Variants in UTP4 observed in about 807,000 individuals in gnomAD.
UTP4 encodes the protein U3 small nucleolar RNA-associated protein 4 homolog.
UTP4 carries 45 observed loss-of-function variants against 82.4 expected under a neutral mutation model. The ratio of observed to expected loss-of-function variants is 0.55; its 90% CI spans 0.43 to 0.70. The LOEUF (loss-of-function observed/expected upper bound fraction) is 0.70. Among genes scored for constraint, UTP4 ranks in the 30% least tolerant of loss-of-function variants. UTP4 has a pLI of 0.00. For missense variants in UTP4, 819 were observed against 858.3 expected, an observed-to-expected ratio of 0.95 and a Z score of 0.57; for synonymous variants, 348 against 300.3, an observed-to-expected ratio of 1.16 and a Z score of -1.64.
intron 12 of UTP4, among the ~76,000 whole-genome samples, chr16:69,158,107 T>C (rs553440918): frequency 1.0e-3 from 153 of 150,504 alleles, no homozygotes; most frequent in Non-Finnish European, 1.8e-3. Context: ...TTGTCCTGGA[T>C]TTTAGCTGCT....
At chr16:69,165,087 T>C (rs1963668936) in intron 14 of UTP4, among the ~76,000 whole-genome samples, 1 of 151,474 alleles carries the variant, frequency 6.6e-6, no homozygotes, top group Admixed American at 6.6e-5. Context: ...CCCAGCTATT[T>C]GGGAGGCTGA....
At chr16:69,167,246 A>C (rs529893059) in intron 16 of UTP4, 61 bp downstream of exon 16, 41 of 1,090,924 alleles carry the variant, frequency 3.8e-5, no homozygotes, top group African/African-American at 6.2e-5. Flanking sequence ...AAAATGTAAT[A>C]AACTCCACAA....
chr16:69,160,270 C>A, intron 12 of UTP4, 86 bp from the exon 13 acceptor site: 2 of 971,890 alleles, frequency 2.1e-6, no homozygotes, highest in African/African-American at 1.6e-5. Context: ...CTCTAATGGT[C>A]TCCTTGGCTT....
At chr16:69,147,242 G>A (rs999000285) in intron 6 of UTP4, among the ~76,000 whole-genome samples, 5 of 150,890 alleles carry the variant, frequency 3.3e-5, no homozygotes, top group African/African-American at 7.3e-5. Flanking sequence ...GGTGACTCAC[G>A]CCTGTAAACC....
intron 13 of UTP4, among the ~76,000 whole-genome samples, chr16:69,162,637 G>A (rs1320596867): frequency 6.6e-6 from 1 of 151,758 alleles, no homozygotes; most frequent in African/African-American, 2.4e-5. Flanking sequence ...ACTTGAAACC[G>A]GAAGGTGGAG....
At chr16:69,135,017 CT>C (rs1027253401) in intron 2 of UTP4, among the ~76,000 whole-genome samples, 596 of 133,050 alleles carry the variant, frequency 4.5e-3, no homozygotes, top group Middle Eastern at 7.8e-3. Context: ...TGTTCTTCTT[CT>C]TTTTTTTTTT....
intron 4 of UTP4, among the ~76,000 whole-genome samples, chr16:69,138,344 T>C (rs558496161): frequency 6.6e-6 from 1 of 152,198 alleles, no homozygotes; most frequent in African/African-American, 2.4e-5. Flanking sequence ...TTCAAGTGAT[T>C]CTGGTGCCTC....
chr16:69,153,584 C>T lies in UTP4; in HGVS notation c.1003C>T (p.Arg335Ter), dbSNP rs1246155092. The T allele has an allele frequency of 4.3e-6, 7 of 1,610,104 alleles. No individual in the cohort carries two copies. The highest frequency in any genetic ancestry group is 5.9e-6 in the Non-Finnish European group (7 of 1,177,088). The change falls in exon 9 of 17, where the codon CGA becomes TGA. Residue 335 changes from arginine (R) to a stop codon, truncating the protein, a stop_gained and splice_region_variant. Transcript: ENST00000314423. LOFTEE classifies it high-confidence loss of function. ...TTAACTTCTTGATTCTTGGATATAG[C>T]GATGTCTCATCTCCTGTTCTAAAAA... is the stretch of plus-strand genomic sequence containing the variant. ...AALRKITFPHRCLISCSKKRQ... is the reference protein window; with the variant it reads ...AALRKITFPH
At chr16:69,138,339 G>A (rs1338112217) in intron 4 of UTP4, among the ~76,000 whole-genome samples, 4 of 151,514 alleles carry the variant, frequency 2.6e-5, no homozygotes, top group African/African-American at 9.7e-5. Flanking sequence ...CCGGCTTCAA[G>A]TGATTCTGGT....
At chr16:69,160,289 A>G in intron 12 of UTP4, 67 bp from the exon 13 acceptor site, 1 of 1,247,852 alleles carries the variant, frequency 8.0e-7, no homozygotes, top group Non-Finnish European at 1.2e-6. Context: ...TTTTGCCATC[A>G]TCTCCAGGGC....
At chr16:69,136,643 A>G (rs1962821017) in intron 2 of UTP4, 53 bp from the exon 3 acceptor site, 2 of 1,579,484 alleles carry the variant, frequency 1.3e-6, no homozygotes, top group Non-Finnish European at 1.7e-6. Context: ...ACCACTCAGT[A>G]CCGGTACCTG....
In UTP4 at chr16:69,150,550, T is replaced by G. The variant is rs201270156; in HGVS notation, c.752T>G (p.Phe251Cys). 68 of 1,614,226 alleles carry G rather than the reference T, an allele frequency of 4.2e-5. No homozygotes were observed. Among genetic ancestry groups the G allele is most frequent in the Non-Finnish European group, 5.5e-5 (65 of 1,180,038 alleles). Reference protein sequence around the residue: ...SIAVADQEDSFVVGTAEGTVF... With the variant: ...SIAVADQEDSCVVGTAEGTVF... ...TTAATTCCTCAGCAAGAAGACAGTT[T>G]CGTGGTGGGCACAGCCGAGGGAACA... Residue 251 changes from phenylalanine to cysteine, a missense_variant, in exon 7 of 17, where the codon TTC becomes TGC. By Grantham distance (205) the Phe-to-Cys change is radical (BLOSUM62 -2). Transcript: ENST00000314423.
rs1962822640 is a variant in UTP4, at chr16:69,136,702, C to G, written c.166C>G (p.Pro56Ala). The change falls in exon 3 of 17, where the codon CCA (proline) becomes GCA (alanine). Residue 56 changes from proline to alanine, a missense_variant. Pro to Ala is a conservative substitution (Grantham distance 27). Coordinates refer to ENST00000314423, the MANE Select transcript of UTP4 (RefSeq NM_032830.3). ...AGTTATGGTGTTTCTGCAGTTTTTC[C>G]CAGGTCATGAGTCTCGGGCTACAGA... Reference protein sequence around the residue: ...SANYFQEKFFPGHESRATEAL... With the variant: ...SANYFQEKFFAGHESRATEAL... 1 of 1,613,912 alleles carries G rather than the reference C, an allele frequency of 6.2e-7. No homozygotes were observed. The highest frequency in any genetic ancestry group is 8.5e-7 in the Non-Finnish European group (1 of 1,179,874).
intron 13 of UTP4, among the ~76,000 whole-genome samples, chr16:69,161,403 C>T (rs973895874): frequency 2.6e-5 from 4 of 152,204 alleles, no homozygotes; most frequent in Admixed American, 2.0e-4. Context: ...ACCTTTGTTG[C>T]ATTATGGTAG....
At chr16:69,159,218 A>C (rs1963502794) in intron 12 of UTP4, among the ~76,000 whole-genome samples, 2 of 151,990 alleles carry the variant, frequency 1.3e-5, no homozygotes, top group African/African-American at 4.8e-5. Context: ...CTGGGATTAC[A>C]GGCACCCACA....
rs1963721021 is a variant in UTP4, at chr16:69,167,102, T to C, written c.1861T>C (p.Tyr621His). The C allele has an allele frequency of 6.2e-7, 1 of 1,613,828 alleles. No individual in the cohort carries two copies. The highest frequency in any genetic ancestry group is 1.1e-5 in the South Asian group (1 of 91,092). ...CCTTCCAAATGACAAAACCTTACTC[T>C]ACAATCCATTTCCTCCCACGAATGA... ...LPLPNDKTLL[Y>H]NPFPPTNESD... Residue 621 changes from tyrosine to histidine, a missense_variant, in exon 16 of 17, where the codon TAC becomes CAC. Tyr to His is a moderately conservative substitution (Grantham distance 83). Transcript: ENST00000314423.
intron 14 of UTP4, among the ~76,000 whole-genome samples, chr16:69,163,880 G>GTTTTTTTTTTTTTTTTTTTTTTT (rs201368311): frequency 1.5e-5 from 2 of 132,600 alleles, no homozygotes; most frequent in African/African-American, 5.8e-5. Flanking sequence ...TTGATGGTCA[G>GTTTTTTTTTTTTTTTTTTTTTTT]TTTGTTTTTT....
chr16:69,152,868 C>T (rs879849862), intron 8 of UTP4, among the ~76,000 whole-genome samples: 8 of 152,176 alleles, frequency 5.3e-5, no homozygotes, highest in South Asian at 2.1e-4. Flanking sequence ...AAGCAATCCT[C>T]GCACCTCAGC....
chr16:69,162,041 C>T (rs1214309609), intron 13 of UTP4, among the ~76,000 whole-genome samples: 1 of 151,400 alleles, frequency 6.6e-6, no homozygotes. Context: ...AGTCTCTGCT[C>T]ACTGCAACCT....
Sources: allele counts gnomAD v4.1 joint callset (sites outside exome capture counted in the v4.1 genomes callset), GRCh38; gene constraint gnomAD v4.1.1; transcripts MANE v1.5; gene names NCBI Gene and HGNC (gene_info 2026-07-23, HGNC 2026-07-21).